The following CACNA2D4 variants were observed in gnomAD, a reference collection of about 807,000 sequenced individuals.
The protein encoded by CACNA2D4 is calcium voltage-gated channel auxiliary subunit alpha2delta 4.
Under a neutral mutation model 163.8 loss-of-function variants are expected in CACNA2D4, and 157 were observed. The observed-to-expected ratio is 0.96, with a 90% confidence interval of 0.84 to 1.09. CACNA2D4 has a LOEUF of 1.09. CACNA2D4 is among the 50% of genes least tolerant of loss of function. The pLI is 0.00. For missense variants in CACNA2D4, 1,410 were observed against 1,479.9 expected (o/e 0.95, Z 0.78); for synonymous variants, 598 against 586.9 (o/e 1.02, Z -0.27).
chr12:1,916,673 C>CG (rs556860126), intron 1 of CACNA2D4, among the ~76,000 whole-genome samples: 84 of 152,258 alleles, frequency 5.5e-4, no homozygotes, highest in African/African-American at 1.9e-3. Context: ...TAAAAGAAGA[C>CG]GGGGGCTTGT....
chr12:1,895,082 A>G (rs916639581), intron 6 of CACNA2D4, among the ~76,000 whole-genome samples: 3 of 152,192 alleles, frequency 2.0e-5, no homozygotes, highest in Non-Finnish European at 4.4e-5. Flanking sequence ...TAGTGTTTCT[A>G]TATACCAATA....
chr12:1,817,927 G>C (rs1465397310), intron 26 of CACNA2D4, among the ~76,000 whole-genome samples: 2 of 151,878 alleles, frequency 1.3e-5, no homozygotes, highest in Non-Finnish European at 2.9e-5. Context: ...AGTGAGGAGC[G>C]TCTCCGCCTG....
intron 3 of CACNA2D4, among the ~76,000 whole-genome samples, chr12:1,910,550 A>C (rs1866787414): frequency 6.6e-6 from 1 of 152,252 alleles, no homozygotes; most frequent in African/African-American, 2.4e-5. Context: ...TTAAAAATAA[A>C]GTCTACTAAA....
chr12:1,831,571 A>C (rs1404941153), intron 26 of CACNA2D4: 6 of 1,486,774 alleles, frequency 4.0e-6, no homozygotes, highest in African/African-American at 1.4e-5. Context: ...TGGGACGATC[A>C]CCTCTGGCCC....
In CACNA2D4 at chr12:1,828,239, GGGGGGTGCGGGTTGGGT is replaced by G; in HGVS notation, c.2551+12483_2551+12499del. On this transcript the variant is annotated intron_variant, in intron 26 of 37. Coordinates refer to ENST00000382722, the MANE Select transcript of CACNA2D4 (RefSeq NM_172364.5). This position sits in a 1 kb window ranked among gnomAD's most constrained non-coding sequence, Gnocchi z 4.2. ...CTGTGAGTACACCCCTGGCCTCGGAGGGGGGTGCGGGTTGGGTGGGGGTGCCGAGGTGACTGTAGGTA... is the reference window on the plus strand; with the variant it reads ...CTGTGAGTACACCCCTGGCCTCGGAGGGGGGTGCCGAGGTGACTGTAGGTA... The G allele has an allele frequency of 6.5e-7, 1 of 1,527,716 alleles. No homozygotes were observed. Among genetic ancestry groups the G allele is most frequent in the Non-Finnish European group, 8.8e-7 (1 of 1,134,664 alleles). 94.6% of individuals were successfully genotyped at this position (1,527,716 alleles called of 1,614,324 possible). A position where few individuals can be genotyped will look rare whatever the true frequency, so the allele number is the denominator to read the frequency against.
In CACNA2D4 at chr12:1,869,146, T is replaced by C. The variant is rs1435001005; in HGVS notation, c.1878+5458A>G. Among the ~76,000 whole-genome samples the C allele has an allele frequency of 2.6e-5, 4 of 152,322 alleles. No homozygotes were observed. Among genetic ancestry groups the C allele is most frequent in the South Asian group, 2.1e-4 (1 of 4,820 alleles). On this transcript the variant is annotated intron_variant, in intron 18 of 37. Transcript: ENST00000382722. The surrounding 1 kb of genome is among the most constrained non-coding windows in gnomAD (Gnocchi z 4.7). ...GAAAAAAATTCCTGTTTGGTTCTTA[T>C]AATGATTTTGTACTGTGTCAAATTA...
intron 1 of CACNA2D4, 59 bp downstream of exon 1, chr12:1,918,188 G>C: frequency 7.6e-7 from 1 of 1,321,344 alleles, no homozygotes; most frequent in Non-Finnish European, 1.1e-6. Context: ...GGCCCAGCCC[G>C]GGAAGAAAGT....
At chr12:1,861,978 A>G (rs145671013) in intron 18 of CACNA2D4, among the ~76,000 whole-genome samples, 4 of 152,300 alleles carry the variant, frequency 2.6e-5, no homozygotes, top group African/African-American at 2.4e-5. Context: ...AGTATGACAC[A>G]CACAAAAACT....
chr12:1,871,658 GTGTGCTGCTGGTATGTGTGTACACA>G (rs1365673329), intron 18 of CACNA2D4, among the ~76,000 whole-genome samples: 5 of 152,178 alleles, frequency 3.3e-5, no homozygotes, highest in African/African-American at 1.2e-4. Flanking sequence ...GTGTACACGT[GTGTGCTGCTGGTATGTGTGTACACA>G]TGTGCTGCTG....
chr12:1,876,282 G>A (rs1248986060), intron 16 of CACNA2D4, among the ~76,000 whole-genome samples: 4 of 152,092 alleles, frequency 2.6e-5, no homozygotes, highest in African/African-American at 7.2e-5. Flanking sequence ...TGAATGGGAC[G>A]GAGACAAGGA....
chr12:1,887,461 G>A (rs1399004711), intron 6 of CACNA2D4, among the ~76,000 whole-genome samples: 1 of 152,230 alleles, frequency 6.6e-6, no homozygotes, highest in Non-Finnish European at 1.5e-5. Context: ...TAACACACTT[G>A]CCTCTAGGTG....
At chr12:1,848,903 G>T (rs559238214) in intron 23 of CACNA2D4, among the ~76,000 whole-genome samples, 2 of 152,266 alleles carry the variant, frequency 1.3e-5, no homozygotes, top group African/African-American at 4.8e-5. Context: ...TCCACAGCCA[G>T]CTCCTGCTGT....
Position 1,842,398 on chromosome 12 carries a change from A to G in CACNA2D4, c.2471-1579T>C, listed in dbSNP as rs371374445. Among the ~76,000 whole-genome samples, 210 of 152,286 alleles carry G rather than the reference A, an allele frequency of 1.4e-3. 2 individuals carry two copies. Among genetic ancestry groups the G allele is most frequent in the African/African-American group, 4.8e-3 (199 of 41,554 alleles). On this transcript the variant is annotated intron_variant, in intron 25 of 37. Transcript: ENST00000382722. ...ACAGGCGAGCTTCCCCTCACCCTGG[A>G]GGCAGCTCGTCCTCTTTTCCCCCTT...
chr12:1,857,857 T>C (rs1165945131), intron 20 of CACNA2D4, among the ~76,000 whole-genome samples: 1 of 152,146 alleles, frequency 6.6e-6, no homozygotes, highest in East Asian at 1.9e-4. Flanking sequence ...GCAGAAGTAA[T>C]CAAATTAAGA....
intron 18 of CACNA2D4, among the ~76,000 whole-genome samples, chr12:1,871,197 T>C (rs939762347): frequency 1.1e-4 from 17 of 151,048 alleles, no homozygotes; most frequent in Non-Finnish European, 2.2e-4. Flanking sequence ...GTTGCTGGTG[T>C]GTGTACATGT....
intron 24 of CACNA2D4, among the ~76,000 whole-genome samples, chr12:1,845,090 T>C (rs916451327): frequency 7.9e-4 from 68 of 85,906 alleles, no homozygotes; most frequent in African/African-American, 2.3e-3. Context: ...AGGGTGGGGG[T>C]GGGGAGCAGA....
At chr12:1,845,825 CT>C (rs1865132433) in intron 24 of CACNA2D4, among the ~76,000 whole-genome samples, 3 of 152,220 alleles carry the variant, frequency 2.0e-5, no homozygotes. Flanking sequence ...GCTGTGAGGG[CT>C]GCCCTGTGCA....
intron 23 of CACNA2D4, among the ~76,000 whole-genome samples, chr12:1,848,762 A>AGTTATTATT (rs1555181614): frequency 6.8e-6 from 1 of 147,358 alleles, no homozygotes; most frequent in Non-Finnish European, 1.5e-5. Flanking sequence ...AACCCATTGC[A>AGTTATTATT]ATTATTATTA....
At position 1,860,259 on chromosome 12, in the gene CACNA2D4, C is replaced by A. The variant is rs1287387421; in HGVS notation, c.1879-53G>T. 2.8e-6 allele frequency: 4 copies of A among 1,417,838 alleles called. No homozygotes were observed. In the East Asian group the frequency reaches 9.2e-5, roughly 33 times the overall value. 87.8% of individuals were successfully genotyped at this position (1,417,838 alleles called of 1,614,324 possible). ...TCACGCAGAGAAGAGCGGCCCCCAG[C>A]CCCCACCTCGCCCCCAGGGCTCTTG... On this transcript the variant is annotated intron_variant, in intron 18 of 37. Coordinates refer to ENST00000382722, the MANE Select transcript of CACNA2D4 (RefSeq NM_172364.5).
Sources: gnomAD v4.1 joint callset for allele counts (sites outside exome capture counted in the v4.1 genomes callset) on GRCh38, gnomAD v4.1.1 for gene constraint, Gnocchi (gnomAD v3.1) non-coding constraint, MANE v1.5 for transcripts, NCBI Gene and HGNC (gene_info 2026-07-23, HGNC 2026-07-21) for gene names.